The following DGKB variants were observed in gnomAD, a reference collection of about 807,000 sequenced individuals.
The protein encoded by DGKB is diacylglycerol kinase beta, also known as 90 kDa diacylglycerol kinase.
A neutral mutation model predicts 114.3 loss-of-function variants in DGKB; 67 were observed. The ratio of observed to expected loss-of-function variants is 0.59; its 90% CI spans 0.48 to 0.72. DGKB has a LOEUF of 0.72. DGKB is among the 30% of genes least tolerant of loss of function. The pLI, the probability that DGKB is intolerant of heterozygous loss-of-function variation, is 0.00. For synonymous variants in DGKB, 398 were observed against 323.1 expected (o/e 1.23, Z -2.49); for missense variants, 907 against 975.2 (o/e 0.93, Z 0.93).
chr7:14,311,363 G>T (rs1805366008), intron 23 of DGKB, among the ~76,000 whole-genome samples: 5 of 151,964 alleles, frequency 3.3e-5, no homozygotes, highest in Admixed American at 1.3e-4. Flanking sequence ...CCCCACACTG[G>T]TTTTTTGTTC....
chr7:14,348,425 A>G (rs1812855691), intron 21 of DGKB, among the ~76,000 whole-genome samples: 1 of 152,046 alleles, frequency 6.6e-6, no homozygotes, highest in African/African-American at 2.4e-5. Flanking sequence ...CAGTAAAAGC[A>G]ACCCAAACAA....
intron 23 of DGKB, among the ~76,000 whole-genome samples, chr7:14,332,326 T>C (rs1357421291): frequency 1.3e-5 from 2 of 152,000 alleles, no homozygotes; most frequent in African/African-American, 2.4e-5. Flanking sequence ...AGCAGCAGAG[T>C]TGGGGTTTGA....
intron 20 of DGKB, among the ~76,000 whole-genome samples, chr7:14,519,228 T>C (rs1789339496): frequency 6.6e-6 from 1 of 152,068 alleles, no homozygotes; most frequent in South Asian, 2.1e-4. Context: ...CAATTTTTTT[T>C]CCAAATCTGT....
intron 4 of DGKB, among the ~76,000 whole-genome samples, chr7:14,744,473 C>T (rs2128418463): frequency 6.6e-6 from 1 of 152,192 alleles, no homozygotes; most frequent in South Asian, 2.1e-4. Flanking sequence ...TAAAGAATGT[C>T]ACTTTCTAAT....
chr7:14,570,026 T>C (rs2128699796), intron 20 of DGKB, among the ~76,000 whole-genome samples: 1 of 151,530 alleles, frequency 6.6e-6, no homozygotes, highest in East Asian at 1.9e-4. Flanking sequence ...ATTTTATATT[T>C]GGCAAATTTG....
At chr7:14,513,613 G>T (rs1788313558) in intron 20 of DGKB, among the ~76,000 whole-genome samples, 1 of 151,788 alleles carries the variant, frequency 6.6e-6, no homozygotes, top group African/African-American at 2.4e-5. Flanking sequence ...TGCATTTTGG[G>T]CACTATAGTT....
At chr7:14,701,845 T>C in intron 6 of DGKB, 115 bp from the exon 7 acceptor site, 1 of 668,094 alleles carries the variant, frequency 1.5e-6, no homozygotes, top group Non-Finnish European at 2.7e-6. Context: ...ATTCCTCTCC[T>C]GCTCCAAACA....
chr7:14,769,258 GA>G (rs1837034689), intron 2 of DGKB, among the ~76,000 whole-genome samples: 3 of 118,968 alleles, frequency 2.5e-5, no homozygotes, highest in African/African-American at 4.6e-5. Flanking sequence ...AAGAAAGAAA[GA>G]AAGAAAGAAA....
intron 21 of DGKB, among the ~76,000 whole-genome samples, chr7:14,399,340 T>C (rs1209766873): frequency 6.6e-6 from 1 of 151,796 alleles, no homozygotes; most frequent in Non-Finnish European, 1.5e-5. Flanking sequence ...GAAAAATAAC[T>C]TACCATATTT....
chr7:14,910,258 G>T (rs867459299), intron 1 of DGKB, among the ~76,000 whole-genome samples: 1 of 93,150 alleles, frequency 1.1e-5, no homozygotes, highest in African/African-American at 5.1e-5. Flanking sequence ...AAGAAAGAAA[G>T]AAAGAAAGAA....
intron 23 of DGKB, among the ~76,000 whole-genome samples, chr7:14,242,080 T>C (rs1044678379): frequency 1.3e-5 from 2 of 152,220 alleles, no homozygotes; most frequent in Non-Finnish European, 2.9e-5. Context: ...ATTTAATTTA[T>C]ATTTATTAGG....
intron 2 of DGKB, among the ~76,000 whole-genome samples, chr7:14,793,181 T>A (rs976063219): frequency 3.0e-4 from 45 of 152,142 alleles, no homozygotes; most frequent in African/African-American, 1.1e-3. Flanking sequence ...ACATAAATAT[T>A]ATAATGACAC....
chr7:14,671,332 C>T (rs999414180), intron 13 of DGKB, among the ~76,000 whole-genome samples: 18 of 151,888 alleles, frequency 1.2e-4, no homozygotes, highest in African/African-American at 2.4e-4. Flanking sequence ...TTTGGAAGGA[C>T]GAAATGCTCA....
chr7:14,388,628 T>C (rs967060894), intron 21 of DGKB, among the ~76,000 whole-genome samples: 1 of 151,984 alleles, frequency 6.6e-6, no homozygotes, highest in Non-Finnish European at 1.5e-5. Context: ...TGAAAAATGA[T>C]TGATATTATA....
chr7:14,550,014 T>A (rs1446544121), intron 20 of DGKB, among the ~76,000 whole-genome samples: 1 of 151,942 alleles, frequency 6.6e-6, no homozygotes, highest in African/African-American at 2.4e-5. Context: ...CTTTAGCCAT[T>A]AGTTGCTTAA....
At chr7:14,380,241 A>T (rs1819223940) in intron 21 of DGKB, among the ~76,000 whole-genome samples, 1 of 151,146 alleles carries the variant, frequency 6.6e-6, no homozygotes, top group South Asian at 2.1e-4. Context: ...TAAATATATA[A>T]ATAAATAAAT....
chr7:14,243,591 A>C (rs1793991502), intron 23 of DGKB, among the ~76,000 whole-genome samples: 1 of 152,180 alleles, frequency 6.6e-6, no homozygotes, highest in Admixed American at 6.5e-5. Flanking sequence ...CACTTTCCAA[A>C]GCAAATATGT....
Position 14,695,494 on chromosome 7 carries a change from C to CTTTTTTTTTTTTTTTTTTTTT in DGKB, c.592-1321_592-1301dup, listed in dbSNP as rs1173622205. Among the ~76,000 whole-genome samples the CTTTTTTTTTTTTTTTTTTTTT allele has an allele frequency of 2.7e-4, 20 of 75,166 alleles. 3 individuals are homozygous for CTTTTTTTTTTTTTTTTTTTTT. Among genetic ancestry groups the CTTTTTTTTTTTTTTTTTTTTT allele is most frequent in the Admixed American group, 4.0e-4 (2 of 4,958 alleles). The allele number at this position is 75,166 out of a possible 152,430, so 49.3% of individuals were successfully genotyped here. A position where few individuals can be genotyped will look rare whatever the true frequency, so the allele number is the denominator to read the frequency against. On this transcript the variant is annotated intron_variant, in intron 8 of 25. Coordinates refer to ENST00000402815, the MANE Select transcript of DGKB (RefSeq NM_001350709.2). ...AATGTTCATTTCTCTCTCTCTCTCTCTTTTTTTTTTTTTTTTTTTTTTTGA... is the reference window on the plus strand; with the variant it reads ...AATGTTCATTTCTCTCTCTCTCTCTCTTTTTTTTTTTTTTTTTTTTTTTTTTTTTTTTTTTTTTTTTTTTGA...
At chr7:14,190,443 C>G (rs1259514818) in intron 23 of DGKB, among the ~76,000 whole-genome samples, 1 of 151,904 alleles carries the variant, frequency 6.6e-6, no homozygotes, top group Non-Finnish European at 1.5e-5. Context: ...AAGAAGATTT[C>G]TATGAAACAA....
Sources: gnomAD v4.1 joint callset for allele counts (sites outside exome capture counted in the v4.1 genomes callset) on GRCh38, gnomAD v4.1.1 for gene constraint, MANE v1.5 for transcripts, NCBI Gene and HGNC (gene_info 2026-07-23, HGNC 2026-07-21) for gene names.